Variants in IPCEF1 observed in about 807,000 individuals in gnomAD.
IPCEF1 encodes the protein interaction protein for cytohesin exchange factors 1.
A neutral mutation model predicts 50.9 loss-of-function variants in IPCEF1; 31 were observed. The observed-to-expected ratio is 0.61, with a 90% CI of 0.46 to 0.82. The LOEUF is 0.82. Among genes scored for constraint, IPCEF1 ranks in the 40% least tolerant of loss-of-function variants. The probability of loss-of-function intolerance (pLI) is 0.00; values close to 1 mark genes in which losing one functional copy is unlikely to be tolerated. For synonymous variants in IPCEF1, 181 were observed against 192.0 expected (o/e 0.94, Z 0.47); for missense variants, 458 against 514.0 (o/e 0.89, Z 1.05).
intron 1 of IPCEF1, among the ~76,000 whole-genome samples, chr6:154,339,427 T>A (rs1033385245): frequency 1.3e-5 from 2 of 151,160 alleles, no homozygotes; most frequent in African/African-American, 4.9e-5. Context: ...TTATCTTTTT[T>A]TAATCTTTAA....
intron 1 of IPCEF1, among the ~76,000 whole-genome samples, chr6:154,294,802 A>G (rs1782598411): frequency 6.6e-6 from 1 of 151,930 alleles, no homozygotes; most frequent in South Asian, 2.1e-4. Flanking sequence ...CTTTTAGCTG[A>G]ACTAAGGAGA....
intron 9 of IPCEF1, among the ~76,000 whole-genome samples, chr6:154,209,705 C>T (rs1294297944): frequency 6.6e-6 from 1 of 151,168 alleles, no homozygotes; most frequent in Non-Finnish European, 1.5e-5. Flanking sequence ...AATAAAAAGC[C>T]TAAATGTTAG....
At chr6:154,248,348 GA>G (rs1185704820) in intron 3 of IPCEF1, among the ~76,000 whole-genome samples, 6 of 144,608 alleles carry the variant, frequency 4.1e-5, no homozygotes, top group South Asian at 2.2e-4. Flanking sequence ...TAGAGAGAGA[GA>G]AAAAAAATTT....
intron 5 of IPCEF1, among the ~76,000 whole-genome samples, chr6:154,238,932 A>ATTT (rs1562560466): frequency 1.3e-3 from 188 of 149,850 alleles, no homozygotes; most frequent in African/African-American, 4.4e-3. Context: ...GTTTTTTTTA[A>ATTT]AAAAAAAAAG....
intron 10 of IPCEF1, among the ~76,000 whole-genome samples, chr6:154,170,442 T>C (rs73789360): frequency 0.038 from 5,819 of 152,328 alleles, 354 homozygotes; most frequent in African/African-American, 0.13. Flanking sequence ...GAAACCTTTA[T>C]GCAAGAATTA....
At chr6:154,345,956 C>A (rs1278598330) in intron 1 of IPCEF1, among the ~76,000 whole-genome samples, 1 of 152,110 alleles carries the variant, frequency 6.6e-6, no homozygotes, top group African/African-American at 2.4e-5. Flanking sequence ...AACTCCACCT[C>A]CCAGGCTCAA....
At chr6:154,207,255 A>T (rs2088965010) in intron 9 of IPCEF1, among the ~76,000 whole-genome samples, 1 of 152,358 alleles carries the variant, frequency 6.6e-6, no homozygotes, top group South Asian at 2.1e-4. Context: ...AGCCAGAGGC[A>T]AAAATATAAA....
intron 1 of IPCEF1, among the ~76,000 whole-genome samples, chr6:154,327,577 T>C (rs1783553194): frequency 6.6e-6 from 1 of 152,074 alleles, no homozygotes; most frequent in African/African-American, 2.4e-5. Flanking sequence ...ACAACACATA[T>C]TGGTGAAGTT....
Position 154,214,220 on chromosome 6 carries a change from T to C in IPCEF1, c.449A>G (p.Glu150Gly), listed in dbSNP as rs771407698. The C allele has an allele frequency of 1.6e-4, 250 of 1,597,728 alleles. No individual in the cohort carries two copies. The highest frequency in any genetic ancestry group is 2.0e-4 in the Non-Finnish European group (237 of 1,165,162). ...VIHQESTTKD[E>G]ECYSESEQED... ...CAGAAATTTAAAATAGAACATACCT[T>C]CATCCTTTGTAGTGGATTCCTGATG... Residue 150 changes from glutamate to glycine, a missense_variant and splice_region_variant, in exon 8 of 12, where the codon GAA becomes GGA. Glu to Gly is a moderately conservative substitution (Grantham distance 98). Transcript: ENST00000367220.
At chr6:154,302,011 C>A (rs1392131570) in intron 1 of IPCEF1, among the ~76,000 whole-genome samples, 2 of 152,110 alleles carry the variant, frequency 1.3e-5, no homozygotes, top group Non-Finnish European at 2.9e-5. Flanking sequence ...TTGCTGATTC[C>A]TTGTTGTGTG....
At chr6:154,354,451 A>T (rs1390669739) in intron 1 of IPCEF1, among the ~76,000 whole-genome samples, 140 of 142,296 alleles carry the variant, frequency 9.8e-4, no homozygotes, top group Non-Finnish European at 1.6e-3. Context: ...CTCCACCACC[A>T]CCTCCACCAT....
At chr6:154,322,816 G>A (rs778211088) in intron 1 of IPCEF1, among the ~76,000 whole-genome samples, 5 of 151,588 alleles carry the variant, frequency 3.3e-5, no homozygotes, top group Non-Finnish European at 7.4e-5. Flanking sequence ...TAGCCTGGAG[G>A]AGAGAATGAG....
intron 1 of IPCEF1, among the ~76,000 whole-genome samples, chr6:154,356,316 G>A (rs148321050): frequency 3.5e-4 from 53 of 152,220 alleles, no homozygotes; most frequent in African/African-American, 1.2e-3. Context: ...GAAAGAGGGC[G>A]GCCCCAGAGT....
At chr6:154,257,518 A>G (rs779901455) in intron 3 of IPCEF1, among the ~76,000 whole-genome samples, 1 of 152,128 alleles carries the variant, frequency 6.6e-6, no homozygotes, top group African/African-American at 2.4e-5. Context: ...TATCATTGCT[A>G]TATGTTGGAA....
intron 3 of IPCEF1, among the ~76,000 whole-genome samples, chr6:154,252,034 A>T (rs1441890875): frequency 1.3e-5 from 2 of 152,222 alleles, no homozygotes; most frequent in East Asian, 3.8e-4. Flanking sequence ...GAGACATCTA[A>T]GTGGAAATAC....
chr6:154,328,378 C>A (rs1783574698), intron 1 of IPCEF1, among the ~76,000 whole-genome samples: 1 of 152,094 alleles, frequency 6.6e-6, no homozygotes, highest in South Asian at 2.1e-4. Flanking sequence ...TAAATTTCTC[C>A]TAAATAAAAA....
At chr6:154,347,398 A>C (rs1390098688) in intron 1 of IPCEF1, among the ~76,000 whole-genome samples, 1 of 152,160 alleles carries the variant, frequency 6.6e-6, no homozygotes, top group Non-Finnish European at 1.5e-5. Context: ...GTGTTTTCTC[A>C]TCAGAGAAAG....
chr6:154,160,312 C>T (rs930965143), intron 11 of IPCEF1, among the ~76,000 whole-genome samples: 1 of 152,184 alleles, frequency 6.6e-6, no homozygotes, highest in Admixed American at 6.5e-5. Context: ...CTGATCAATC[C>T]ATTATTCCAC....
At position 154,154,852 on chromosome 6, in the gene IPCEF1, A is replaced by C. The variant is rs1798648225; in HGVS notation, c.*4976T>G. The C allele has an allele frequency of 6.6e-6, 1 of 152,588 alleles. No homozygotes were observed. Among genetic ancestry groups the C allele is most frequent in the Non-Finnish European group, 1.5e-5 (1 of 68,028 alleles). 9.5% of individuals were successfully genotyped at this position (152,588 alleles called of 1,614,324 possible). ...ATGAGAGCACAGTAAAACTTAAGCT[A>C]AGATTTCCACATTAATATCTTGCCC... is the stretch of plus-strand genomic sequence containing the variant. On this transcript the variant is annotated 3_prime_UTR_variant, in exon 12 of 12. Transcript: ENST00000367220.
Sources: gnomAD v4.1 joint callset for allele counts (sites outside exome capture counted in the v4.1 genomes callset) on GRCh38, gnomAD v4.1.1 for gene constraint, MANE v1.5 for transcripts, NCBI Gene and HGNC (gene_info 2026-07-23, HGNC 2026-07-21) for gene names.